CYP20A1: variants seen among roughly 807,000 people sequenced by gnomAD.
CYP20A1 encodes cytochrome P450 family 20 subfamily A member 1.
Under a neutral mutation model 61.4 loss-of-function variants are expected in CYP20A1, and 61 were observed. That is an observed-to-expected ratio of 0.99 (90% confidence interval 0.81 to 1.23). The LOEUF (loss-of-function observed/expected upper bound fraction) is 1.23. CYP20A1 is among the 50% of genes most tolerant of loss of function. The pLI, the probability that CYP20A1 is intolerant of heterozygous loss-of-function variation, is 0.00. For missense variants in CYP20A1, 530 were observed against 542.4 expected, an observed-to-expected ratio of 0.98 and a Z score of 0.23; for synonymous variants, 193 against 188.2, an observed-to-expected ratio of 1.03 and a Z score of -0.21.
chr2:203,302,568 A>ATAAATATT lies in CYP20A1; in HGVS notation c.*5661_*5662insAAATATTT, dbSNP rs2069062308. On this transcript the variant is annotated 3_prime_UTR_variant, in exon 13 of 13. Transcript: ENST00000356079. ...TAATATAGATACTCTTTTTATGCAT[A>ATAAATATT]TGTAATTTATATATATTATACAAAA... Among the ~76,000 whole-genome samples the ATAAATATT allele has an allele frequency of 6.6e-6, 1 of 152,134 alleles. No homozygotes were observed. Among genetic ancestry groups the ATAAATATT allele is most frequent in the Non-Finnish European group, 1.5e-5 (1 of 68,038 alleles).
intron 6 of CYP20A1, among the ~76,000 whole-genome samples, chr2:203,273,660 T>C (rs929176207): frequency 1.3e-4 from 20 of 151,978 alleles, no homozygotes; most frequent in African/African-American, 7.2e-5. Flanking sequence ...ATTAGCAACA[T>C]AGGCCCAGTG....
chr2:203,269,536 A>C (rs1237564755), intron 5 of CYP20A1, among the ~76,000 whole-genome samples: 1 of 145,484 alleles, frequency 6.9e-6, no homozygotes, highest in African/African-American at 2.6e-5. Context: ...CTCTTATCGC[A>C]CAGGCTAGAA....
chr2:203,259,167 A>G lies in CYP20A1; in HGVS notation c.432+7058A>G, dbSNP rs2067032010. ...CCTCCTACTCATTCAGAGGCAAATTAAGGTGGTTTTTTAAGTTTTGGTTTG... is the reference window on the plus strand; with the variant it reads ...CCTCCTACTCATTCAGAGGCAAATTGAGGTGGTTTTTTAAGTTTTGGTTTG... On this transcript the variant is annotated intron_variant, in intron 4 of 12. Transcript: ENST00000356079. Among the ~76,000 whole-genome samples the G allele has an allele frequency of 1.3e-5, 2 of 152,136 alleles. 1 individual carries two copies. Among genetic ancestry groups the G allele is most frequent in the South Asian group, 4.1e-4 (2 of 4,824 alleles).
intron 1 of CYP20A1, among the ~76,000 whole-genome samples, chr2:203,243,580 C>T (rs2066337830): frequency 6.6e-6 from 1 of 151,732 alleles, no homozygotes; most frequent in Non-Finnish European, 1.5e-5. Flanking sequence ...GACGGGGTTT[C>T]AACATGTATG....
intron 3 of CYP20A1, among the ~76,000 whole-genome samples, chr2:203,247,167 A>G (rs887815337): frequency 2.0e-5 from 3 of 152,100 alleles, no homozygotes; most frequent in Admixed American, 6.5e-5. Flanking sequence ...AAGCTGAGGC[A>G]TGAGAATCTC....
At chr2:203,280,256 CAG>C (rs2067987928) in intron 8 of CYP20A1, 143 bp downstream of exon 8, 3 of 548,864 alleles carry the variant, frequency 5.5e-6, no homozygotes, top group African/African-American at 1.9e-5. Flanking sequence ...GCTCAGAAAA[CAG>C]AGACCCTCTC....
At chr2:203,255,470 A>G (rs948641138) in intron 4 of CYP20A1, among the ~76,000 whole-genome samples, 2 of 152,168 alleles carry the variant, frequency 1.3e-5, no homozygotes, top group African/African-American at 4.8e-5. Context: ...TGAGATTTGT[A>G]TTGGTTTAAA....
intron 5 of CYP20A1, among the ~76,000 whole-genome samples, chr2:203,271,239 C>T (rs1049709400): frequency 2.0e-5 from 3 of 150,548 alleles, no homozygotes; most frequent in Non-Finnish European, 4.4e-5. Flanking sequence ...AGGTGCCCGC[C>T]ACCACGCCCG....
intron 9 of CYP20A1, among the ~76,000 whole-genome samples, chr2:203,287,957 G>GA (rs2068356126): frequency 2.0e-5 from 3 of 147,802 alleles, no homozygotes; most frequent in African/African-American, 5.0e-5. Flanking sequence ...TTTTGGGGTG[G>GA]AGTGTTTTTT....
intron 8 of CYP20A1, among the ~76,000 whole-genome samples, chr2:203,281,328 G>A (rs539430276): frequency 3.2e-4 from 48 of 152,168 alleles, no homozygotes; most frequent in Admixed American, 8.5e-4. Context: ...GCAACACAGC[G>A]GAAACCCATC....
At chr2:203,260,680 A>G (rs2067101837) in intron 4 of CYP20A1, among the ~76,000 whole-genome samples, 1 of 152,084 alleles carries the variant, frequency 6.6e-6, no homozygotes, top group Non-Finnish European at 1.5e-5. Context: ...CACCATGGCC[A>G]GCTAATTTTT....
intron 1 of CYP20A1, 95 bp downstream of exon 1, chr2:203,239,229 G>A: frequency 3.6e-6 from 4 of 1,105,070 alleles, no homozygotes; most frequent in Non-Finnish European, 5.4e-6. Flanking sequence ...GGCCGCAGGG[G>A]GCGGGCCTGA....
chr2:203,248,839 A>G (rs975834950), intron 3 of CYP20A1, among the ~76,000 whole-genome samples: 1 of 152,120 alleles, frequency 6.6e-6, no homozygotes, highest in African/African-American at 2.4e-5. Context: ...CCTCCTGAGT[A>G]GGTGAGACTA....
chr2:203,253,593 A>C (rs1314642232), intron 4 of CYP20A1, among the ~76,000 whole-genome samples: 1 of 152,242 alleles, frequency 6.6e-6, no homozygotes, highest in African/African-American at 2.4e-5. Context: ...AAGCAGATTT[A>C]CAGAAGCAAA....
In CYP20A1 at chr2:203,299,675, G is replaced by A. The variant is rs180931619; in HGVS notation, c.*2767G>A. 0.013 allele frequency among the ~76,000 whole-genome samples: 2,009 copies of A among 152,198 alleles called. 43 individuals carry two copies. The highest frequency in any genetic ancestry group is 0.044 in the African/African-American group (1,812 of 41,534). ...AGATCACCTGAGGTCAGGCGTTCAA[G>A]ACCAGCCTGACCAACATGGAGAAAC... On this transcript the variant is annotated 3_prime_UTR_variant, in exon 13 of 13. Coordinates refer to ENST00000356079, the MANE Select transcript of CYP20A1 (RefSeq NM_177538.3).
At chr2:203,295,830 TC>T (rs2068768096) in intron 11 of CYP20A1, among the ~76,000 whole-genome samples, 1 of 151,958 alleles carries the variant, frequency 6.6e-6, no homozygotes, top group South Asian at 2.1e-4. Context: ...GCACCTGTAG[TC>T]CCAGCTACTT....
chr2:203,250,750 GTCTC>G (rs892710747), intron 3 of CYP20A1, among the ~76,000 whole-genome samples: 1 of 152,064 alleles, frequency 6.6e-6, no homozygotes, highest in Non-Finnish European at 1.5e-5. Context: ...AGATTTTTCT[GTCTC>G]TCTCTCTGTT....
chr2:203,243,414 A>G (rs1226462945), intron 1 of CYP20A1, among the ~76,000 whole-genome samples: 1 of 148,982 alleles, frequency 6.7e-6, no homozygotes, highest in Admixed American at 6.7e-5. Context: ...TTTTTTAGAC[A>G]GAGTCTCGCT....
intron 5 of CYP20A1, among the ~76,000 whole-genome samples, chr2:203,268,802 C>T (rs1032633490): frequency 2.0e-4 from 31 of 152,126 alleles, no homozygotes; most frequent in Admixed American, 2.0e-3. Context: ...TGATTTCTTA[C>T]CCTCCTGCCC....
Sources: allele counts gnomAD v4.1 joint callset (sites outside exome capture counted in the v4.1 genomes callset), GRCh38; gene constraint gnomAD v4.1.1; transcripts MANE v1.5; gene names NCBI Gene and HGNC (gene_info 2026-07-23, HGNC 2026-07-21).